Variants in NUDT3 observed in about 807,000 individuals in gnomAD.
The protein encoded by NUDT3 is nudix hydrolase 3.
Under a neutral mutation model 23.6 loss-of-function variants are expected in NUDT3, and 9 were observed. The observed-to-expected ratio is 0.38, with a 90% CI of 0.23 to 0.66. NUDT3 has a LOEUF of 0.66. Among genes scored for constraint, NUDT3 ranks in the 30% least tolerant of loss-of-function variants. The probability of loss-of-function intolerance (pLI) is 0.52; values close to 1 mark genes in which losing one functional copy is unlikely to be tolerated. For missense variants in NUDT3, 172 were observed against 218.5 expected (o/e 0.79, Z 1.34); for synonymous variants, 86 against 82.6 (o/e 1.04, Z -0.22).
At chr6:34,383,183 A>G (rs1315367451) in intron 1 of NUDT3, among the ~76,000 whole-genome samples, 1 of 152,094 alleles carries the variant, frequency 6.6e-6, no homozygotes, top group East Asian at 1.9e-4. Flanking sequence ...CTTTTAAGAA[A>G]AGCATAAGCA....
chr6:34,323,494 G>A (rs1763976631), intron 2 of NUDT3, among the ~76,000 whole-genome samples: 1 of 152,130 alleles, frequency 6.6e-6, no homozygotes, highest in Admixed American at 6.6e-5. Context: ...TTGAGCCTGG[G>A]CGGTAGACGT....
rs980918935 is a variant in NUDT3 at position 34,285,669 on chromosome 6, A to C, written c.*3084T>G. The C allele has an allele frequency of 2.0e-5, 3 of 152,172 alleles. No homozygotes were observed. Among genetic ancestry groups the C allele is most frequent in the African/African-American group, 7.2e-5 (3 of 41,438 alleles). The allele number at this position is 152,172 out of a possible 1,614,324, so 9.4% of individuals were successfully genotyped here. ...TTTCTTTTGATTATTTTCTTTGGGG[A>C]GATAAAGGTATTGCAACCATGGGTC... On this transcript the variant is annotated 3_prime_UTR_variant, in exon 5 of 5. Transcript: ENST00000607016.
intron 3 of NUDT3, 137 bp from the exon 4 acceptor site, chr6:34,293,672 A>G (rs1763457366): frequency 2.1e-6 from 2 of 967,844 alleles, no homozygotes; most frequent in South Asian, 1.7e-5. Flanking sequence ...ATGGTCCTAC[A>G]GTTATAGCTA....
intron 1 of NUDT3, among the ~76,000 whole-genome samples, chr6:34,377,195 A>G (rs1239524808): frequency 6.6e-6 from 1 of 152,126 alleles, no homozygotes; most frequent in East Asian, 1.9e-4. Context: ...TAATGCAGCC[A>G]CTTGTTCAAC....
intron 1 of NUDT3, among the ~76,000 whole-genome samples, chr6:34,353,140 T>C (rs945113059): frequency 7.2e-5 from 11 of 152,174 alleles, no homozygotes; most frequent in African/African-American, 2.7e-4. Context: ...AACAAATACA[T>C]ATTTATTCTT....
At chr6:34,290,107 C>G (rs1002932439) in intron 4 of NUDT3, among the ~76,000 whole-genome samples, 1 of 152,180 alleles carries the variant, frequency 6.6e-6, no homozygotes, top group Non-Finnish European at 1.5e-5. Flanking sequence ...GCCTATCTCA[C>G]AAGTCTGTTA....
chr6:34,374,373 T>C (rs1039455122), intron 1 of NUDT3, among the ~76,000 whole-genome samples: 30 of 152,250 alleles, frequency 2.0e-4, no homozygotes, highest in East Asian at 1.9e-3. Flanking sequence ...AATGTAAAGA[T>C]TCTATAACTT....
At chr6:34,359,669 A>C (rs1258638355) in intron 1 of NUDT3, among the ~76,000 whole-genome samples, 1 of 152,204 alleles carries the variant, frequency 6.6e-6, no homozygotes, top group East Asian at 1.9e-4. Flanking sequence ...GTGTTTATCC[A>C]TTCATCTACT....
chr6:34,342,407 T>A (rs562345029), intron 1 of NUDT3, among the ~76,000 whole-genome samples: 5 of 151,848 alleles, frequency 3.3e-5, no homozygotes, highest in African/African-American at 7.3e-5. Context: ...TCCAACACTT[T>A]CCCTCCAAGT....
chr6:34,310,904 T>G (rs1763760452), intron 2 of NUDT3, among the ~76,000 whole-genome samples: 1 of 148,224 alleles, frequency 6.7e-6, no homozygotes, highest in African/African-American at 2.4e-5. Context: ...CATGATCAGG[T>G]ATAGATGCAG....
intron 1 of NUDT3, among the ~76,000 whole-genome samples, chr6:34,376,542 G>T (rs1764926134): frequency 6.6e-6 from 1 of 152,154 alleles, no homozygotes; most frequent in Non-Finnish European, 1.5e-5. Flanking sequence ...CTCCCAAAGT[G>T]CTGGGATTAC....
chr6:34,289,015 T>C (rs1581844601), intron 4 of NUDT3, 84 bp from the exon 5 acceptor site: 2 of 1,428,454 alleles, frequency 1.4e-6, no homozygotes, highest in Non-Finnish European at 1.8e-6. Context: ...TAGAAAACAT[T>C]AAAGCAATGT....
At chr6:34,336,095 C>T (rs868561421) in intron 2 of NUDT3, among the ~76,000 whole-genome samples, 31 of 151,998 alleles carry the variant, frequency 2.0e-4, no homozygotes, top group South Asian at 8.3e-4. Flanking sequence ...ATGATGAAAC[C>T]CCGTCTCTAC....
intron 1 of NUDT3, among the ~76,000 whole-genome samples, chr6:34,374,414 T>G (rs926972098): frequency 2.0e-5 from 3 of 152,210 alleles, no homozygotes; most frequent in African/African-American, 7.2e-5. Flanking sequence ...TAAAAGCTCT[T>G]TCACAGTAAA....
intron 1 of NUDT3, among the ~76,000 whole-genome samples, chr6:34,351,192 C>T (rs1336292814): frequency 3.8e-5 from 1 of 26,494 alleles, no homozygotes; most frequent in Admixed American, 5.2e-4. Flanking sequence ...TCTACACTCC[C>T]CTGCCTAAAA....
At chr6:34,305,439 TTC>T (rs1433741050) in intron 2 of NUDT3, among the ~76,000 whole-genome samples, 4 of 152,248 alleles carry the variant, frequency 2.6e-5, no homozygotes, top group Non-Finnish European at 5.9e-5. Context: ...CTTCATTTAT[TTC>T]TGTCTTCCTA....
At chr6:34,386,182 TAA>T (rs1765103953) in intron 1 of NUDT3, among the ~76,000 whole-genome samples, 1 of 152,226 alleles carries the variant, frequency 6.6e-6, no homozygotes, top group Non-Finnish European at 1.5e-5. Context: ...CCAAGCTGGT[TAA>T]AGTGGTGGTT....
chr6:34,296,576 A>C (rs1286603401), intron 2 of NUDT3, among the ~76,000 whole-genome samples: 1 of 152,100 alleles, frequency 6.6e-6, no homozygotes, highest in Non-Finnish European at 1.5e-5. Context: ...CCTGTCGGTA[A>C]ATACATACAT....
intron 2 of NUDT3, among the ~76,000 whole-genome samples, chr6:34,339,819 T>A (rs886148772): frequency 3.9e-5 from 6 of 152,256 alleles, no homozygotes; most frequent in African/African-American, 1.4e-4. Context: ...AAACATATAT[T>A]GGCACATTCC....
Sources: allele counts gnomAD v4.1 joint callset (sites outside exome capture counted in the v4.1 genomes callset), GRCh38; gene constraint gnomAD v4.1.1; transcripts MANE v1.5; gene names NCBI Gene and HGNC (gene_info 2026-07-23, HGNC 2026-07-21).